Variants in PCDHGB3 observed in about 807,000 individuals in gnomAD.
PCDHGB3 encodes protocadherin gamma-B3.
Under a neutral mutation model 59.2 loss-of-function variants are expected in PCDHGB3, and 40 were observed. The observed-to-expected ratio is 0.68, with a 90% confidence interval of 0.52 to 0.88. The LOEUF is 0.88. Ranked by LOEUF, PCDHGB3 falls within the 40% of genes least tolerant of loss-of-function variation. The pLI is 0.00. For missense variants in PCDHGB3, 1,309 were observed against 1,187.9 expected, an observed-to-expected ratio of 1.10 and a Z score of -1.50; for synonymous variants, 581 against 503.6, an observed-to-expected ratio of 1.15 and a Z score of -2.06.
rs576983336 is a variant in PCDHGB3, at chr5:141,489,165, G to A, written c.2416-5642G>A. 5.8e-4 allele frequency: 625 copies of A among 1,082,080 alleles called. 8 individuals are homozygous for A. The South Asian group carries it at 7.9e-3, about 14-fold the overall frequency. The allele number at this position is 1,082,080 out of a possible 1,614,324, so 67.0% of individuals were successfully genotyped here. On this transcript the variant is annotated intron_variant, in intron 1 of 3. Transcript: ENST00000576222. The surrounding 1 kb of genome is among the most constrained non-coding windows in gnomAD (Gnocchi z 4.5). ...GAAGGAGACATAAGAGACTTCAGCT[G>A]CTGCATTCCAAGCCCTGGGTCTACC...
At chr5:141,456,837 C>G (rs550771859) in intron 1 of PCDHGB3, among the ~76,000 whole-genome samples, 70 of 152,194 alleles carry the variant, frequency 4.6e-4, no homozygotes, top group Non-Finnish European at 8.2e-4. Context: ...GTAGTGGGCG[C>G]CTGTAATCCC....
At position 141,472,368 on chromosome 5, in the gene PCDHGB3, C is replaced by T. The variant is rs555805048; in HGVS notation, c.2416-22439C>T. ...CATCCTGGCTAACACGGTGAAACCC[C>T]GTCTCCACTAAAAATAGAAAAAATT... is the stretch of plus-strand genomic sequence containing the variant. On this transcript the variant is annotated intron_variant, in intron 1 of 3. Transcript: ENST00000576222. Among the ~76,000 whole-genome samples, 214 of 152,012 alleles carry T rather than the reference C, an allele frequency of 1.4e-3. 1 individual carries two copies. The highest frequency in any genetic ancestry group is 4.8e-3 in the African/African-American group (199 of 41,452).
chr5:141,438,983 T>C (rs1296267457), intron 1 of PCDHGB3, among the ~76,000 whole-genome samples: 1 of 151,930 alleles, frequency 6.6e-6, no homozygotes, highest in Non-Finnish European at 1.5e-5. Context: ...TGACTTATCT[T>C]AAAAGGCTAA....
chr5:141,431,016 C>A lies in PCDHGB3; in HGVS notation c.2415+58207C>A, dbSNP rs755015257. 4 of 1,613,456 alleles carry A rather than the reference C, an allele frequency of 2.5e-6. No individual in the cohort carries two copies. Among genetic ancestry groups the A allele is most frequent in the East Asian group, 2.2e-5 (1 of 44,860 alleles). ...AATCCGCGCAGCGGCAGCTTGGTCA[C>A]GGCGGGCAGGATAGACCGGGAGGAG... is the stretch of plus-strand genomic sequence containing the variant. On this transcript the variant is annotated intron_variant, in intron 1 of 3. Coordinates refer to ENST00000576222, the MANE Select transcript of PCDHGB3 (RefSeq NM_018924.5). The surrounding 1 kb of genome is among the most constrained non-coding windows in gnomAD (Gnocchi z 4.8).
At chr5:141,503,023 A>T (rs1163676028) in intron 2 of PCDHGB3, among the ~76,000 whole-genome samples, 1 of 141,884 alleles carries the variant, frequency 7.0e-6, no homozygotes, top group African/African-American at 2.6e-5. Context: ...TTTTTTTTTT[A>T]ATATCTATTT....
chr5:141,372,380 A>G lies in PCDHGB3; in HGVS notation c.1986A>G (p.Leu662=). ...TTTCAGCCACCGTCATGCTGCACCT[A>G]ATCTTCGCAGATAGCTTGCAAGAGA... is the stretch of plus-strand genomic sequence containing the variant. The part of the protein sequence containing the change: ...QPLSATVMLH[L]IFADSLQEIQ... The change falls in exon 1 of 4, where the codon CTA becomes CTG. Residue 662 remains leucine (L), a synonymous_variant. Coordinates refer to ENST00000576222, the MANE Select transcript of PCDHGB3 (RefSeq NM_018924.5). 6.2e-7 allele frequency: 1 copy of G among 1,613,964 alleles called. No homozygotes were observed. The highest frequency in any genetic ancestry group is 8.5e-7 in the Non-Finnish European group (1 of 1,179,886).
At position 141,512,346 on chromosome 5, in the gene PCDHGB3, G is replaced by A. The variant is rs1391003897; in HGVS notation, c.*1173G>A. ...CAGGCCATTCTTAGTCCCTGGGTTG[G>A]GGAGGCAGGGAGCTAGGGCAGGGAC... On this transcript the variant is annotated 3_prime_UTR_variant, in exon 4 of 4. Transcript: ENST00000576222. 6.5e-6 allele frequency: 1 copy of A among 152,876 alleles called. No individual in the cohort carries two copies. Among genetic ancestry groups the A allele is most frequent in the Non-Finnish European group, 1.5e-5 (1 of 68,232 alleles). 9.5% of individuals were successfully genotyped at this position (152,876 alleles called of 1,614,324 possible). A position where few individuals can be genotyped will look rare whatever the true frequency, so the allele number is the denominator to read the frequency against.
At chr5:141,386,425 C>T (rs996269178) in intron 1 of PCDHGB3, among the ~76,000 whole-genome samples, 2 of 151,916 alleles carry the variant, frequency 1.3e-5, no homozygotes, top group East Asian at 1.9e-4. Context: ...AGCTGTAGCC[C>T]ACCTGCATGG....
At position 141,371,396 on chromosome 5, in the gene PCDHGB3, GAT is replaced by G. The variant is rs1767721375; in HGVS notation, c.1004_1005del (p.Ile335ArgfsTer5). On this transcript the variant is annotated frameshift_variant, in exon 1 of 4. Transcript: ENST00000576222. LOFTEE classifies it high-confidence loss of function. ...ATCACACTGCATATTGTAAAGTACA[GAT>G]AGATATTTCAGATGAAAATGACAAT... is the stretch of plus-strand genomic sequence containing the variant. ...GHHTAYCKVQ[I>X]DISDENDNAP... The G allele has an allele frequency of 6.2e-7, 1 of 1,613,880 alleles. No individual in the cohort carries two copies. The highest frequency in any genetic ancestry group is 8.5e-7 in the Non-Finnish European group (1 of 1,179,908).
chr5:141,480,578 A>G (rs1343189182), intron 1 of PCDHGB3, among the ~76,000 whole-genome samples: 1 of 133,254 alleles, frequency 7.5e-6, no homozygotes, highest in Admixed American at 7.4e-5. Context: ...GCAAGAAATA[A>G]CTGCCGCTCT....
chr5:141,419,834 A>C, intron 1 of PCDHGB3: 1 of 1,614,072 alleles, frequency 6.2e-7, no homozygotes, highest in Non-Finnish European at 8.5e-7. Context: ...AGCCACTGCC[A>C]CGCTGCACCT....
Position 141,372,218 on chromosome 5 carries a change from T to G in PCDHGB3, c.1824T>G (p.Ile608Met). ...ACAACGCCTGGCTGTCCTACCACAT[T>G]GTGCAGGCCAGCGAGCCCGGGCTGT... Reference protein sequence around the residue: ...SGYNAWLSYHIVQASEPGLFS... With the variant: ...SGYNAWLSYHMVQASEPGLFS... Residue 608 changes from isoleucine (I) to methionine (M), a missense_variant, in exon 1 of 4, where the codon ATT (isoleucine) becomes ATG (methionine). Physicochemically the swap from Ile to Met is conservative, Grantham distance 10. Coordinates refer to ENST00000576222, the MANE Select transcript of PCDHGB3 (RefSeq NM_018924.5). 3.1e-6 allele frequency: 5 copies of G among 1,613,544 alleles called. No individual in the cohort carries two copies. Among genetic ancestry groups the G allele is most frequent in the Non-Finnish European group, 4.2e-6 (5 of 1,179,894 alleles).
At chr5:141,454,331 T>G (rs1244660733) in intron 1 of PCDHGB3, among the ~76,000 whole-genome samples, 1 of 152,180 alleles carries the variant, frequency 6.6e-6, no homozygotes, top group Non-Finnish European at 1.5e-5. Context: ...CAAGAATAAA[T>G]AAAATGTTGG....
intron 1 of PCDHGB3, chr5:141,402,812 C>T: frequency 8.0e-7 from 1 of 1,243,800 alleles, no homozygotes; most frequent in East Asian, 2.6e-5. Flanking sequence ...GCAGATACCA[C>T]AAACCTGCTC....
In PCDHGB3 at chr5:141,432,460, C is replaced by T; in HGVS notation, c.2415+59651C>T. The T allele has an allele frequency of 6.2e-7, 1 of 1,614,208 alleles. No homozygotes were observed. The highest frequency in any genetic ancestry group is 8.5e-7 in the Non-Finnish European group (1 of 1,180,044). On this transcript the variant is annotated intron_variant, in intron 1 of 3. Transcript: ENST00000576222. This position sits in a 1 kb window ranked among gnomAD's most constrained non-coding sequence, Gnocchi z 6.0. ...CGCCCGAGATCCTGTACCCCGCCCTCCCCACGGACGGTTCCACTGGCGTGG... is the reference window on the plus strand; with the variant it reads ...CGCCCGAGATCCTGTACCCCGCCCTTCCCACGGACGGTTCCACTGGCGTGG...
At chr5:141,403,836 A>G (rs370798833) in intron 1 of PCDHGB3, 8 of 1,613,670 alleles carry the variant, frequency 5.0e-6, no homozygotes, top group African/African-American at 1.3e-5. Context: ...TTCCAGCTTA[A>G]TGAAAATACT....
rs1439795137 is a variant in PCDHGB3 at position 141,375,822 on chromosome 5, G to A, written c.2415+3013G>A. On this transcript the variant is annotated intron_variant, in intron 1 of 3. Coordinates refer to ENST00000576222, the MANE Select transcript of PCDHGB3 (RefSeq NM_018924.5). ...TCCACTGGCGTGGAGCTGGCGCCCC[G>A]CTCCGCAGAGCCCGGCTACCTGGTG... The A allele has an allele frequency of 3.1e-6, 5 of 1,614,024 alleles. No homozygotes were observed. The Admixed American group carries it at 6.7e-5, about 22-fold the overall frequency.
At chr5:141,396,682 C>T (rs1387269894) in intron 1 of PCDHGB3, 1 of 151,688 alleles carries the variant, frequency 6.6e-6, no homozygotes, top group Non-Finnish European at 1.5e-5. Context: ...TATTGTATTC[C>T]TGCATACCTT....
intron 3 of PCDHGB3, among the ~76,000 whole-genome samples, chr5:141,509,050 C>T (rs867585045): frequency 1.6e-4 from 25 of 152,304 alleles, no homozygotes; most frequent in Admixed American, 5.2e-4. Flanking sequence ...CCCCCGCCCC[C>T]AGAAAGCTCT....
Sources: allele counts gnomAD v4.1 joint callset (sites outside exome capture counted in the v4.1 genomes callset), GRCh38; gene constraint gnomAD v4.1.1; non-coding constraint Gnocchi (gnomAD v3.1); transcripts MANE v1.5; gene names NCBI Gene and HGNC (gene_info 2026-07-23, HGNC 2026-07-21).